Variants in LRP1B observed in about 807,000 individuals in gnomAD.
LRP1B encodes low-density lipoprotein receptor-related protein 1B.
A neutral mutation model predicts 556.6 loss-of-function variants in LRP1B; 217 were observed. That is an observed-to-expected ratio of 0.39 (90% CI 0.35 to 0.44). The LOEUF (loss-of-function observed/expected upper bound fraction) is 0.44. Among genes scored for constraint, LRP1B ranks in the 20% least tolerant of loss-of-function variants. The pLI is 1.00. For missense variants in LRP1B, 5,053 were observed against 5,620.8 expected (o/e 0.90, Z 3.23); for synonymous variants, 2,047 against 1,865.8 (o/e 1.10, Z -2.50).
intron 1 of LRP1B, among the ~76,000 whole-genome samples, chr2:141,819,131 A>T (rs1196743055): frequency 6.6e-6 from 1 of 151,514 alleles, no homozygotes; most frequent in Non-Finnish European, 1.5e-5. Context: ...CCAGCTACTC[A>T]GGAGGCAGAG....
At chr2:140,301,455 T>C (rs1683816437) in intron 83 of LRP1B, among the ~76,000 whole-genome samples, 1 of 152,118 alleles carries the variant, frequency 6.6e-6, no homozygotes, top group South Asian at 2.1e-4. Flanking sequence ...TTTGTACAAA[T>C]TTTAATTTTG....
At chr2:140,356,527 G>A (rs2105130853) in intron 74 of LRP1B, 51 bp from the exon 75 acceptor site, 1 of 1,323,434 alleles carries the variant, frequency 7.6e-7, no homozygotes. Flanking sequence ...TTCCTGAAGT[G>A]GGGAGTTAAC....
chr2:140,688,545 C>A (rs1686129092), intron 41 of LRP1B, among the ~76,000 whole-genome samples: 1 of 152,160 alleles, frequency 6.6e-6, no homozygotes, highest in Admixed American at 6.6e-5. Flanking sequence ...AGGATAATAA[C>A]CTATCCACTG....
intron 2 of LRP1B, among the ~76,000 whole-genome samples, chr2:141,559,645 GA>G (rs1229853479): frequency 6.6e-6 from 1 of 151,518 alleles, no homozygotes; most frequent in African/African-American, 2.4e-5. Context: ...TTTAAATAGG[GA>G]ATAGTTTTAT....
intron 41 of LRP1B, among the ~76,000 whole-genome samples, chr2:140,693,919 G>A (rs1686332533): frequency 6.6e-6 from 1 of 152,042 alleles, no homozygotes; most frequent in Admixed American, 6.6e-5. Flanking sequence ...TTTTGGCCAG[G>A]CTAGTCTCGA....
At chr2:140,332,066 T>C (rs2105078495) in intron 79 of LRP1B, among the ~76,000 whole-genome samples, 1 of 152,164 alleles carries the variant, frequency 6.6e-6, no homozygotes, top group Admixed American at 6.6e-5. Context: ...GTCTCACAGC[T>C]AATAAATAAT....
intron 1 of LRP1B, among the ~76,000 whole-genome samples, chr2:142,071,922 T>C (rs1294330398): frequency 6.6e-6 from 1 of 151,980 alleles, no homozygotes; most frequent in African/African-American, 2.4e-5. Context: ...ACTTCAGCCT[T>C]AAACTAGATC....
At chr2:141,339,926 C>T (rs910806605) in intron 3 of LRP1B, among the ~76,000 whole-genome samples, 3 of 151,932 alleles carry the variant, frequency 2.0e-5, no homozygotes, top group African/African-American at 7.3e-5. Flanking sequence ...CAGCTTTCAC[C>T]CCCCTCCAAA....
At chr2:142,115,256 T>C (rs1267341633) in intron 1 of LRP1B, among the ~76,000 whole-genome samples, 1 of 149,322 alleles carries the variant, frequency 6.7e-6, no homozygotes, top group African/African-American at 2.5e-5. Flanking sequence ...GAAAAAAAAA[T>C]ACAAGATGAG....
intron 66 of LRP1B, among the ~76,000 whole-genome samples, chr2:140,397,388 C>T (rs927876710): frequency 1.3e-5 from 2 of 152,036 alleles, no homozygotes; most frequent in African/African-American, 4.8e-5. Context: ...GTGTTGTTCC[C>T]CTCCCTGTGT....
At chr2:141,306,434 G>A (rs1393928238) in intron 3 of LRP1B, among the ~76,000 whole-genome samples, 1 of 152,004 alleles carries the variant, frequency 6.6e-6, no homozygotes, top group Non-Finnish European at 1.5e-5. Flanking sequence ...GTTTATAATA[G>A]TTTTTGATGA....
At chr2:141,616,214 G>A (rs147653446) in intron 2 of LRP1B, among the ~76,000 whole-genome samples, 4,221 of 151,638 alleles carry the variant, frequency 0.028, 93 homozygotes, top group South Asian at 0.066. Flanking sequence ...CCCAGGAGAC[G>A]GAGGTTGCAG....
intron 3 of LRP1B, among the ~76,000 whole-genome samples, chr2:141,256,283 G>T (rs1203600639): frequency 6.6e-6 from 1 of 151,716 alleles, no homozygotes; most frequent in Admixed American, 6.6e-5. Flanking sequence ...GACAATATGA[G>T]AAAGTAAATA....
intron 20 of LRP1B, among the ~76,000 whole-genome samples, chr2:140,945,151 A>G (rs1183010953): frequency 6.6e-6 from 1 of 152,136 alleles, no homozygotes; most frequent in Admixed American, 6.6e-5. Flanking sequence ...CCTATTTACA[A>G]TAGCTACAAA....
rs75977835 is a variant in LRP1B at position 140,572,950 on chromosome 2, A to G, written c.7194+25681T>C. ...GTTTTCACTCATGTGTAGAAGCTAAAAACATCGATCCCATAGTAGAGAATG... is the reference window on the plus strand; with the variant it reads ...GTTTTCACTCATGTGTAGAAGCTAAGAACATCGATCCCATAGTAGAGAATG... On this transcript the variant is annotated intron_variant, in intron 43 of 90. Coordinates refer to ENST00000389484, the MANE Select transcript of LRP1B (RefSeq NM_018557.3). Among the ~76,000 whole-genome samples the G allele has an allele frequency of 7.3e-4, 111 of 152,028 alleles. No homozygotes were observed. In the East Asian group the frequency reaches 0.02, roughly 28 times the overall value.
rs189284571 is a variant in LRP1B at position 141,913,749 on chromosome 2, C to T, written c.83-103348G>A. On this transcript the variant is annotated intron_variant, in intron 1 of 90. Transcript: ENST00000389484. ...TATTCTGCTTAGAGTTAATTACCCTCCTACATTTTTTTTTTAAGATGGAGT... is the reference window on the plus strand; with the variant it reads ...TATTCTGCTTAGAGTTAATTACCCTTCTACATTTTTTTTTTAAGATGGAGT... Among the ~76,000 whole-genome samples the T allele has an allele frequency of 4.7e-4, 72 of 151,860 alleles. 1 individual carries two copies. The highest frequency in any genetic ancestry group is 4.7e-3 in the Admixed American group (72 of 15,220).
At position 141,038,478 on chromosome 2, in the gene LRP1B, G is replaced by A. The variant is rs180777871; in HGVS notation, c.1789+10508C>T. 2.0e-5 allele frequency among the ~76,000 whole-genome samples: 3 copies of A among 152,204 alleles called. No homozygotes were observed. The East Asian group carries it at 5.8e-4, about 29-fold the overall frequency. On this transcript the variant is annotated intron_variant, in intron 11 of 90. Coordinates refer to ENST00000389484, the MANE Select transcript of LRP1B (RefSeq NM_018557.3). ...CTGAGTACATTTTAAAGGTCAGTGGGAGGTAAAAATAAAGTTATGCCTTAG... is the reference window on the plus strand; with the variant it reads ...CTGAGTACATTTTAAAGGTCAGTGGAAGGTAAAAATAAAGTTATGCCTTAG...
chr2:141,677,096 C>T (rs936323699), intron 2 of LRP1B, among the ~76,000 whole-genome samples: 4 of 151,996 alleles, frequency 2.6e-5, no homozygotes, highest in Admixed American at 1.3e-4. Flanking sequence ...ACTATTTAGT[C>T]CCGGCTGGAA....
At chr2:140,950,532 G>A in intron 19 of LRP1B, 130 bp from the exon 20 acceptor site, 2 of 630,440 alleles carry the variant, frequency 3.2e-6, no homozygotes, top group South Asian at 2.4e-5. Flanking sequence ...CACCCAACCT[G>A]TAGTGCAGTG....
Sources: gnomAD v4.1 joint callset for allele counts (sites outside exome capture counted in the v4.1 genomes callset) on GRCh38, gnomAD v4.1.1 for gene constraint, MANE v1.5 for transcripts, NCBI Gene and HGNC (gene_info 2026-07-23, HGNC 2026-07-21) for gene names.